TENM4: variants seen among roughly 807,000 people sequenced by gnomAD.
TENM4 encodes teneurin transmembrane protein 4, also known as teneurin-4.
A neutral mutation model predicts 243.3 loss-of-function variants in TENM4; 82 were observed. The ratio of observed to expected loss-of-function variants is 0.34; its 90% CI spans 0.28 to 0.40. TENM4 has a LOEUF of 0.40. Among genes scored for constraint, TENM4 ranks in the 10% least tolerant of loss-of-function variants. The pLI, the probability that TENM4 is intolerant of heterozygous loss-of-function variation, is 1.00. For missense variants in TENM4, 3,138 were observed against 3,673.3 expected (o/e 0.85, Z 3.77); for synonymous variants, 1,412 against 1,456.3 (o/e 0.97, Z 0.69).
intron 2 of TENM4, among the ~76,000 whole-genome samples, chr11:79,253,279 A>G (rs953646877): frequency 6.6e-6 from 1 of 152,212 alleles, no homozygotes; most frequent in African/African-American, 2.4e-5. Flanking sequence ...TGACCACCGT[A>G]AGGCCTGAGC....
chr11:79,401,561 G>T (rs542648245), intron 1 of TENM4, among the ~76,000 whole-genome samples: 1 of 152,260 alleles, frequency 6.6e-6, no homozygotes, highest in African/African-American at 2.4e-5. Context: ...GTCAGAAAAA[G>T]AAAACGTCAA....
At chr11:79,284,834 T>A (rs548286064) in intron 2 of TENM4, among the ~76,000 whole-genome samples, 7 of 152,260 alleles carry the variant, frequency 4.6e-5, no homozygotes, top group African/African-American at 1.7e-4. Flanking sequence ...AAAGAACTCT[T>A]ATAACTCAAC....
intron 2 of TENM4, among the ~76,000 whole-genome samples, chr11:79,223,140 A>G (rs1389914984): frequency 6.6e-6 from 1 of 152,114 alleles, no homozygotes; most frequent in Non-Finnish European, 1.5e-5. Flanking sequence ...GAACTTAAAT[A>G]AAATTAAATA....
intron 9 of TENM4, among the ~76,000 whole-genome samples, chr11:78,870,715 T>G (rs1859099625): frequency 6.6e-6 from 1 of 152,142 alleles, no homozygotes; most frequent in African/African-American, 2.4e-5. Flanking sequence ...GCTCAATGTT[T>G]CTTTAAATCA....
chr11:78,716,202 C>T (rs1859517684), intron 25 of TENM4, among the ~76,000 whole-genome samples: 1 of 152,094 alleles, frequency 6.6e-6, no homozygotes, highest in Non-Finnish European at 1.5e-5. Flanking sequence ...CTTCCCCACC[C>T]TGCTGCCCAG....
intron 17 of TENM4, among the ~76,000 whole-genome samples, chr11:78,775,445 A>C: frequency 6.6e-6 from 1 of 152,226 alleles, no homozygotes; most frequent in East Asian, 1.9e-4. Context: ...AGAGAATCAC[A>C]AATGTGGAAA....
intron 12 of TENM4, among the ~76,000 whole-genome samples, chr11:78,848,422 C>T (rs943399610): frequency 6.6e-6 from 1 of 152,128 alleles, no homozygotes; most frequent in Non-Finnish European, 1.5e-5. Flanking sequence ...TCCTTATAGC[C>T]AGCTCTTAAT....
At chr11:79,371,423 A>C (rs1419086873) in intron 1 of TENM4, among the ~76,000 whole-genome samples, 1 of 151,766 alleles carries the variant, frequency 6.6e-6, no homozygotes, top group Non-Finnish European at 1.5e-5. Context: ...TGACATGTAG[A>C]AAAAAAAATC....
rs370899096 is a variant in TENM4 at position 78,787,070 on chromosome 11, G to A, written c.2193C>T (p.Ala731=). ...CGCACACGCCATGGCCACCACAGTCGGCAGCACAGATCTCTGTGGGGAGGA... is the reference window on the plus strand; with the variant it reads ...CGCACACGCCATGGCCACCACAGTCAGCAGCACAGATCTCTGTGGGGAGGA... ...GHDCSIEICA[A]DCGGHGVCVG... Residue 731 remains alanine (A), a synonymous_variant, in exon 16 of 34, where the codon GCC becomes GCT. Coordinates refer to ENST00000278550, the MANE Select transcript of TENM4 (RefSeq NM_001098816.3). The A allele has an allele frequency of 1.2e-5, 18 of 1,546,974 alleles. No homozygotes were observed. The highest frequency in any genetic ancestry group is 9.6e-5 in the South Asian group (8 of 83,544).
chr11:79,222,163 T>A (rs1864170693), intron 2 of TENM4, among the ~76,000 whole-genome samples: 1 of 152,202 alleles, frequency 6.6e-6, no homozygotes, highest in African/African-American at 2.4e-5. Flanking sequence ...GGGACATCTG[T>A]CAGCGAGAGG....
intron 3 of TENM4, among the ~76,000 whole-genome samples, chr11:79,213,688 G>A (rs1863994413): frequency 6.6e-6 from 1 of 152,222 alleles, no homozygotes; most frequent in Non-Finnish European, 1.5e-5. Flanking sequence ...CCCGGTGAGA[G>A]AGGGGTTGAA....
intron 1 of TENM4, among the ~76,000 whole-genome samples, chr11:79,411,096 T>A (rs1858691091): frequency 6.6e-6 from 1 of 152,202 alleles, no homozygotes; most frequent in South Asian, 2.1e-4. Context: ...TACTTGGCCA[T>A]TTCACAGATA....
rs78284684 is a variant in TENM4 at position 78,735,427 on chromosome 11, C to G, written c.2877-2850G>C. On this transcript the variant is annotated intron_variant, in intron 20 of 33. Transcript: ENST00000278550. ...ACTGTCAAACAGAATTTTAGCCAGA[C>G]TTATAAGCTCCCTTCATGAGAGGCT... is the stretch of plus-strand genomic sequence containing the variant. Among the ~76,000 whole-genome samples, 428 of 152,324 alleles carry G rather than the reference C, an allele frequency of 2.8e-3. 2 individuals are homozygous for G. The highest frequency in any genetic ancestry group is 9.9e-3 in the African/African-American group (410 of 41,574).
intron 1 of TENM4, among the ~76,000 whole-genome samples, chr11:79,316,032 A>T (rs769705527): frequency 9.2e-5 from 14 of 152,172 alleles, no homozygotes; most frequent in Non-Finnish European, 1.8e-4. Context: ...TCTAAGCAGA[A>T]CCTAAAAAGT....
At chr11:79,139,663 A>AAT (rs1433379398) in intron 4 of TENM4, among the ~76,000 whole-genome samples, 1 of 97,710 alleles carries the variant, frequency 1.0e-5, no homozygotes, top group Non-Finnish European at 1.8e-5. Flanking sequence ...AAGTATATAA[A>AAT]ATATATATAT....
chr11:79,437,554 G>A (rs547024548), intron 1 of TENM4, among the ~76,000 whole-genome samples: 25 of 152,312 alleles, frequency 1.6e-4, no homozygotes, highest in African/African-American at 5.8e-4. Context: ...CCGCTGCTCC[G>A]GCCACCGAGG....
chr11:78,837,571 C>A (rs968645802), intron 12 of TENM4, among the ~76,000 whole-genome samples: 1 of 152,184 alleles, frequency 6.6e-6, no homozygotes, highest in Non-Finnish European at 1.5e-5. Flanking sequence ...TGACCATACC[C>A]TGTAAATGGT....
chr11:78,999,060 T>C (rs1858248290), intron 6 of TENM4, among the ~76,000 whole-genome samples: 1 of 152,206 alleles, frequency 6.6e-6, no homozygotes, highest in Admixed American at 6.5e-5. Flanking sequence ...TGGAAGTGTT[T>C]TGAGCACAGT....
chr11:79,066,555 C>T (rs944955040), intron 5 of TENM4, among the ~76,000 whole-genome samples: 4 of 152,218 alleles, frequency 2.6e-5, no homozygotes, highest in Admixed American at 6.5e-5. Flanking sequence ...CACATGCAGA[C>T]ACACACAGAC....
Sources: allele counts gnomAD v4.1 joint callset (sites outside exome capture counted in the v4.1 genomes callset), GRCh38; gene constraint gnomAD v4.1.1; transcripts MANE v1.5; gene names NCBI Gene and HGNC (gene_info 2026-07-23, HGNC 2026-07-21).